TRRAP: variants seen among roughly 807,000 people sequenced by gnomAD.
TRRAP encodes the protein transformation/transcription domain associated protein, also known as transformation/transcription domain-associated protein.
Under a neutral mutation model 438.8 loss-of-function variants are expected in TRRAP, and 41 were observed. The ratio of observed to expected loss-of-function variants is 0.09; its 90% CI spans 0.07 to 0.12. TRRAP has a LOEUF of 0.12. Ranked by LOEUF, TRRAP falls within the 10% of genes least tolerant of loss-of-function variation. TRRAP has a pLI of 1.00. For missense variants in TRRAP, 3,122 were observed against 5,055.1 expected, an observed-to-expected ratio of 0.62 and a Z score of 11.60; for synonymous variants, 1,994 against 1,962.9, an observed-to-expected ratio of 1.02 and a Z score of -0.42.
At chr7:98,960,444 C>T (rs190321417) in intron 45 of TRRAP, among the ~76,000 whole-genome samples, 36 of 152,254 alleles carry the variant, frequency 2.4e-4, no homozygotes, top group Admixed American at 1.2e-3. Flanking sequence ...TTCTATTTGA[C>T]CTCTGCTATG....
At chr7:98,900,596 G>A in intron 10 of TRRAP, 28 bp from the exon 11 acceptor site, 4 of 1,566,368 alleles carry the variant, frequency 2.6e-6, no homozygotes, top group Non-Finnish European at 3.5e-6. Context: ...TAATTGAGAG[G>A]TAATATTTTT....
intron 62 of TRRAP, among the ~76,000 whole-genome samples, chr7:98,986,446 T>A (rs192994443): frequency 2.0e-5 from 3 of 152,378 alleles, no homozygotes. Flanking sequence ...CAGCACTTGT[T>A]ATTTTCTTAT....
At chr7:98,928,152 C>T (rs1376415172) in intron 23 of TRRAP, among the ~76,000 whole-genome samples, 3 of 152,034 alleles carry the variant, frequency 2.0e-5, no homozygotes, top group South Asian at 4.1e-4. Flanking sequence ...GCAGGAGAAT[C>T]GCTTGAACCT....
chr7:98,891,783 C>G (rs1050564658), intron 4 of TRRAP, among the ~76,000 whole-genome samples: 1 of 151,892 alleles, frequency 6.6e-6, no homozygotes, highest in Non-Finnish European at 1.5e-5. Context: ...CGTGATCTGC[C>G]CACCTCGTCC....
In TRRAP at chr7:98,967,502, G is replaced by A; in HGVS notation, c.7316G>A (p.Gly2439Asp). 6.2e-7 allele frequency: 1 copy of A among 1,613,938 alleles called. No homozygotes were observed. The change falls in exon 51 of 73, where the codon GGC becomes GAC. Residue 2439 changes from glycine (G) to aspartate (D), a missense_variant. Around this residue, in one of 24 missense-constraint regions of TRRAP, gnomAD observed 992 missense variants for 1,281.2 expected, o/e 0.77. Coordinates refer to ENST00000456197, the MANE Select transcript of TRRAP (RefSeq NM_001375524.1). ...TGTTACAGGGATGAGACCCTCTCTG[G>A]CAGCGAGCTGACGGCGAAACTTGAG... ...NYVYRDETLSGSELTAKLEPA... is the reference protein window; with the variant it reads ...NYVYRDETLSDSELTAKLEPA...
chr7:98,956,131 G>T lies in TRRAP; in HGVS notation c.5938-15G>T. 1 of 1,605,666 alleles carries T rather than the reference G, an allele frequency of 6.2e-7. No homozygotes were observed. Among genetic ancestry groups the T allele is most frequent in the Non-Finnish European group, 8.5e-7 (1 of 1,176,070 alleles). On this transcript the variant is annotated splice_polypyrimidine_tract_variant and intron_variant, in intron 41 of 72. Transcript: ENST00000456197. The surrounding 1 kb of genome is among the most constrained non-coding windows in gnomAD (Gnocchi z 4.5). ...GCTCCCATGTTCCGGCGTGATGCTG[G>T]CCCTGCGTCCGCAGGTGTACTACCC...
At chr7:98,897,694 T>G in intron 7 of TRRAP, 47 bp from the exon 8 acceptor site, 1 of 1,549,988 alleles carries the variant, frequency 6.5e-7, no homozygotes, top group Non-Finnish European at 8.7e-7. Context: ...TTTGAATGAA[T>G]ATTGGGTTTG....
Position 98,929,973 on chromosome 7 carries a change from C to T in TRRAP, c.3176-16C>T, listed in dbSNP as rs181440951. 890 of 1,613,098 alleles carry T rather than the reference C, an allele frequency of 5.5e-4. 6 individuals carry two copies. The African/African-American group carries it at 0.011, about 20-fold the overall frequency. On this transcript the variant is annotated splice_polypyrimidine_tract_variant and intron_variant, in intron 23 of 72. Coordinates refer to ENST00000456197, the MANE Select transcript of TRRAP (RefSeq NM_001375524.1). Reference sequence around the variant, plus strand: ...GACAAGACTGTTCTCACGTGCCTTCCCATCTCTCCTTTTAGGCCCTTTCTT... The same window carrying T: ...GACAAGACTGTTCTCACGTGCCTTCTCATCTCTCCTTTTAGGCCCTTTCTT...
intron 23 of TRRAP, among the ~76,000 whole-genome samples, chr7:98,929,572 G>A (rs945132365): frequency 2.0e-5 from 3 of 152,092 alleles, no homozygotes; most frequent in Non-Finnish European, 2.9e-5. Flanking sequence ...TGAAATCTCA[G>A]TGGTGGCTTT....
At chr7:98,977,414 C>G (rs1421055210) in intron 56 of TRRAP, among the ~76,000 whole-genome samples, 2 of 152,210 alleles carry the variant, frequency 1.3e-5, no homozygotes, top group Admixed American at 6.5e-5. Flanking sequence ...CCACCTCGGC[C>G]TCCCAAAGTG....
chr7:98,953,349 G>A lies in TRRAP; in HGVS notation c.5646G>A (p.Val1882=). The change falls in exon 40 of 73, where the codon GTG becomes GTA. Residue 1882 remains valine (V), a synonymous_variant. Coordinates refer to ENST00000456197, the MANE Select transcript of TRRAP (RefSeq NM_001375524.1). The part of the protein sequence containing the change: ...AWPCLLSKAC[V]DPACKYSGHL... Reference sequence around the variant, plus strand: ...CCTGCCTGCTCTCCAAGGCCTGCGTGGACCCAGCCTGCAAGTACAGCGGAC... The same window carrying A: ...CCTGCCTGCTCTCCAAGGCCTGCGTAGACCCAGCCTGCAAGTACAGCGGAC... 1 of 1,613,966 alleles carries A rather than the reference G, an allele frequency of 6.2e-7. No individual in the cohort carries two copies. Among genetic ancestry groups the A allele is most frequent in the Non-Finnish European group, 8.5e-7 (1 of 1,180,046 alleles).
At position 98,912,138 on chromosome 7, in the gene TRRAP, C is replaced by T; in HGVS notation, c.2124C>T (p.Asn708=). Residue 708 remains asparagine (N), a synonymous_variant, in exon 18 of 73, where the codon AAC becomes AAT. Coordinates refer to ENST00000456197, the MANE Select transcript of TRRAP (RefSeq NM_001375524.1). ...PEMGSNVELS[N]LYLKLFKLVF... ...TGGGCTCCAACGTGGAGCTCTCCAA[C>T]CTGTACCTCAAGCTGTTCAAGCTGG... 6.2e-7 allele frequency: 1 copy of T among 1,614,184 alleles called. No homozygotes were observed. Among genetic ancestry groups the T allele is most frequent in the Non-Finnish European group, 8.5e-7 (1 of 1,180,038 alleles).
chr7:98,944,527 G>A (rs188653779), intron 31 of TRRAP, among the ~76,000 whole-genome samples: 17 of 152,228 alleles, frequency 1.1e-4, no homozygotes, highest in African/African-American at 4.1e-4. Context: ...GCTCTGTGAG[G>A]TTGGCCGCTT....
intron 13 of TRRAP, among the ~76,000 whole-genome samples, chr7:98,906,475 C>T (rs1372843320): frequency 2.6e-5 from 4 of 151,670 alleles, no homozygotes; most frequent in Non-Finnish European, 5.9e-5. Flanking sequence ...CTCTGTCACC[C>T]GGGCTGGAGT....
At chr7:99,003,866 C>G (rs967478018) in intron 67 of TRRAP, among the ~76,000 whole-genome samples, 3 of 152,116 alleles carry the variant, frequency 2.0e-5, no homozygotes, top group Non-Finnish European at 4.4e-5. Flanking sequence ...GAGTTCAAGA[C>G]CAGCCTGGCC....
Position 99,011,479 on chromosome 7 carries a change from C to G in TRRAP, c.11281C>G (p.Pro3761Ala), listed in dbSNP as rs1177365578. The change falls in exon 72 of 73, where the codon CCG (proline) becomes GCG (alanine). Residue 3761 changes from proline to alanine, a missense_variant. Physicochemically the swap from Pro to Ala is conservative, Grantham distance 27. Around this residue, in one of 24 missense-constraint regions of TRRAP, gnomAD observed 192 missense variants for 355.6 expected, o/e 0.54. Coordinates refer to ENST00000456197, the MANE Select transcript of TRRAP (RefSeq NM_001375524.1). The surrounding 1 kb of genome is among the most constrained non-coding windows in gnomAD (Gnocchi z 7.1). The stretch of plus-strand genomic sequence containing the variant: ...TCTGACCACCATCGGGGTCTCCGGC[C>G]CGTTGACAGCGTCCATGATTGCGGT... ...EFLTTIGVSG[P>A]LTASMIAVAR... The G allele has an allele frequency of 3.7e-6, 6 of 1,614,150 alleles. No homozygotes were observed. Among genetic ancestry groups the G allele is most frequent in the Non-Finnish European group, 3.4e-6 (4 of 1,180,066 alleles).
chr7:98,890,382 C>A lies in TRRAP; in HGVS notation c.198C>A (p.Ile66=). 1.4e-5 allele frequency: 23 copies of A among 1,606,730 alleles called. No homozygotes were observed. The highest frequency in any genetic ancestry group is 2.0e-5 in the Non-Finnish European group (23 of 1,177,986). ...PQYSTFLEHI[I]PRFLTFLQDG... The stretch of plus-strand genomic sequence containing the variant: ...ATTCTACATTCCTAGAACATATCAT[C>A]CCTCGATTCCTTACATTTCTCCAAG... Residue 66 remains isoleucine (I), a synonymous_variant, in exon 4 of 73, where the codon ATC becomes ATA. Coordinates refer to ENST00000456197, the MANE Select transcript of TRRAP (RefSeq NM_001375524.1).
rs532970885 is a variant in TRRAP, at chr7:98,976,388, C to T, written c.7960-95C>T. 168 of 1,569,042 alleles carry T rather than the reference C, an allele frequency of 1.1e-4. 1 individual carries two copies. The African/African-American group carries it at 1.9e-3, about 18-fold the overall frequency. On this transcript the variant is annotated intron_variant, in intron 54 of 72. Coordinates refer to ENST00000456197, the MANE Select transcript of TRRAP (RefSeq NM_001375524.1). This position sits in a 1 kb window ranked among gnomAD's most constrained non-coding sequence, Gnocchi z 4.6. ...AATGAGGGAACCGCTGGCTGTCACT[C>T]GAGCGAATTAGGAAAGGTATTCTTG...
chr7:99,000,587 C>T (rs1023103672), intron 67 of TRRAP, among the ~76,000 whole-genome samples: 15 of 152,240 alleles, frequency 9.9e-5, no homozygotes, highest in Non-Finnish European at 1.9e-4. Flanking sequence ...TTCAGCATGC[C>T]ACTGCCGCCG....
Sources: gnomAD v4.1 joint callset for allele counts (sites outside exome capture counted in the v4.1 genomes callset) on GRCh38, gnomAD v4.1.1 for gene constraint, gnomAD v4.1.1 regional missense constraint, Gnocchi (gnomAD v3.1) non-coding constraint, MANE v1.5 for transcripts, NCBI Gene and HGNC (gene_info 2026-07-23, HGNC 2026-07-21) for gene names.